Variants in DESI2 observed in about 807,000 individuals in gnomAD.
DESI2 encodes the protein deubiquitinase DESI2.
In DESI2, 10 loss-of-function variants were observed where a neutral mutation model predicts 24.1. The ratio of observed to expected loss-of-function variants is 0.41; its 90% CI spans 0.26 to 0.70. The LOEUF (loss-of-function observed/expected upper bound fraction) is 0.70. Ranked by LOEUF, DESI2 falls within the 30% of genes least tolerant of loss-of-function variation. The pLI is 0.29. For synonymous variants in DESI2, 71 were observed against 87.7 expected (o/e 0.81, Z 1.06); for missense variants, 122 against 234.9 (o/e 0.52, Z 3.14).
chr1:244,701,689 C>T (rs1454610434), intron 4 of DESI2, among the ~76,000 whole-genome samples: 1 of 152,206 alleles, frequency 6.6e-6, no homozygotes, highest in Non-Finnish European at 1.5e-5. Flanking sequence ...ATTTTATTCT[C>T]TGCCTGTTCC....
At chr1:244,695,531 T>C (rs1381870538) in intron 4 of DESI2, among the ~76,000 whole-genome samples, 2 of 152,058 alleles carry the variant, frequency 1.3e-5, no homozygotes, top group Non-Finnish European at 2.9e-5. Context: ...CGGGCACCTG[T>C]AATCCCAGCT....
chr1:244,700,200 G>A (rs1677392855), intron 4 of DESI2, among the ~76,000 whole-genome samples: 1 of 152,114 alleles, frequency 6.6e-6, no homozygotes, highest in African/African-American at 2.4e-5. Context: ...TGTCCTATGA[G>A]TCCTCTAAAA....
rs111628130 is a variant in DESI2, at chr1:244,676,945, G to A, written c.43-9652G>A. On this transcript the variant is annotated intron_variant, in intron 1 of 4. Coordinates refer to ENST00000302550, the MANE Select transcript of DESI2 (RefSeq NM_016076.5). ...TTTTTTTTTTTTTTTTTAAGATTAA[G>A]CCCACCTTCCATTCCAGGGATAAAT... Among the ~76,000 whole-genome samples the A allele has an allele frequency of 3.9e-3, 565 of 143,720 alleles. 2 individuals are homozygous for A. Among genetic ancestry groups the A allele is most frequent in the African/African-American group, 0.014 (534 of 38,996 alleles). The allele number at this position is 143,720 out of a possible 152,430, so 94.3% of individuals were successfully genotyped here. A position where few individuals can be genotyped will look rare whatever the true frequency, so the allele number is the denominator to read the frequency against.
At chr1:244,703,870 G>A (rs535552829) in intron 4 of DESI2, among the ~76,000 whole-genome samples, 2 of 152,024 alleles carry the variant, frequency 1.3e-5, no homozygotes, top group Admixed American at 6.6e-5. Flanking sequence ...GTGTTAGCCA[G>A]GATGGTCTCG....
intron 1 of DESI2, among the ~76,000 whole-genome samples, chr1:244,684,288 G>A (rs1358362676): frequency 6.6e-6 from 1 of 151,900 alleles, no homozygotes; most frequent in East Asian, 1.9e-4. Context: ...ATCAAATTTA[G>A]AAGAACAAAC....
chr1:244,705,572 A>G lies in DESI2; in HGVS notation c.368A>G (p.Glu123Gly), dbSNP rs1677662142. ...CTTCTGTAGATTCTTTGTGGGAAAGAGATTCCTCGCTGGATCAATCGACTT... is the reference window on the plus strand; with the variant it reads ...CTTCTGTAGATTCTTTGTGGGAAAGGGATTCCTCGCTGGATCAATCGACTT... ...SALSEILCGK[E>G]IPRWINRLAY... The change falls in exon 5 of 5, where the codon GAG (glutamate) becomes GGG (glycine). Residue 123 changes from glutamate (E) to glycine (G), a missense_variant. Around this residue, in one of 6 missense-constraint regions of DESI2, gnomAD observed 12 missense variants for 31.8 expected, o/e 0.38. Transcript: ENST00000302550. 1 of 1,614,084 alleles carries G rather than the reference A, an allele frequency of 6.2e-7. No homozygotes were observed. The highest frequency in any genetic ancestry group is 8.5e-7 in the Non-Finnish European group (1 of 1,179,938).
chr1:244,694,591 T>C, intron 4 of DESI2: 1 of 845,448 alleles, frequency 1.2e-6, no homozygotes, highest in Non-Finnish European at 2.1e-6. Flanking sequence ...TTATACTTTC[T>C]CTTGCGCTTG....
intron 4 of DESI2, among the ~76,000 whole-genome samples, chr1:244,699,539 G>T (rs1677355012): frequency 7.8e-6 from 1 of 127,586 alleles, no homozygotes; most frequent in South Asian, 2.6e-4. Flanking sequence ...CCGAGATTGT[G>T]CCACTGCACT....
chr1:244,664,020 G>GA (rs34195856), intron 1 of DESI2, among the ~76,000 whole-genome samples: 33,892 of 89,168 alleles, frequency 0.38, 6,625 homozygotes, highest in Middle Eastern at 0.48. Flanking sequence ...TCCGTCTCAG[G>GA]AAAAAAAAAA....
intron 4 of DESI2, among the ~76,000 whole-genome samples, chr1:244,698,093 A>G (rs1677291616): frequency 6.6e-6 from 1 of 152,240 alleles, no homozygotes. Context: ...TGTATTTTGC[A>G]GTTATTACAT....
At chr1:244,672,555 G>A (rs184992877) in intron 1 of DESI2, among the ~76,000 whole-genome samples, 7 of 152,224 alleles carry the variant, frequency 4.6e-5, no homozygotes, top group South Asian at 4.1e-4. Context: ...TTAGAGAAGC[G>A]TTGAGAAACA....
intron 1 of DESI2, among the ~76,000 whole-genome samples, chr1:244,659,839 A>G (rs1410023427): frequency 3.9e-5 from 6 of 152,230 alleles, no homozygotes; most frequent in East Asian, 3.8e-4. Context: ...TGTAAACCCA[A>G]AAATGTTCAG....
chr1:244,653,491 T>TATCA, intron 1 of DESI2, 136 bp downstream of exon 1: 1 of 748,346 alleles, frequency 1.3e-6, no homozygotes, highest in Non-Finnish European at 2.0e-6. Flanking sequence ...AAGCCGGGGG[T>TATCA]GAAGGAGGGA....
intron 1 of DESI2, 58 bp from the exon 2 acceptor site, chr1:244,686,539 G>A (rs886489196): frequency 2.9e-5 from 31 of 1,067,116 alleles, no homozygotes; most frequent in African/African-American, 1.4e-4. Context: ...CTTCTGTAGC[G>A]CGGAGTTGGG....
intron 1 of DESI2, among the ~76,000 whole-genome samples, chr1:244,681,330 A>G (rs1676605639): frequency 6.6e-6 from 1 of 151,894 alleles, no homozygotes; most frequent in Non-Finnish European, 1.5e-5. Context: ...CTTCCATTCC[A>G]TTTCCTCTTC....
chr1:244,654,419 G>A (rs1675576536), intron 1 of DESI2, among the ~76,000 whole-genome samples: 1 of 152,154 alleles, frequency 6.6e-6, no homozygotes. Context: ...GTATTCCCTT[G>A]TATTATTTAT....
Position 244,653,131 on chromosome 1 carries a change from C to A in DESI2, c.-183C>A, listed in dbSNP as rs994984341. ...CGGTCCGGCCCCGTCCGCACAGACG[C>A]TCCTGTCGGCGGCGCCCGGGAGCGG... On this transcript the variant is annotated 5_prime_UTR_variant, in exon 1 of 5. Transcript: ENST00000302550. The A allele has an allele frequency of 4.2e-6, 2 of 478,904 alleles. No homozygotes were observed. The highest frequency in any genetic ancestry group is 6.8e-6 in the Non-Finnish European group (2 of 293,954). 29.7% of individuals were successfully genotyped at this position (478,904 alleles called of 1,614,324 possible). A position where few individuals can be genotyped will look rare whatever the true frequency, so the allele number is the denominator to read the frequency against.
chr1:244,663,891 G>A (rs981251372), intron 1 of DESI2, among the ~76,000 whole-genome samples: 3 of 151,956 alleles, frequency 2.0e-5, no homozygotes, highest in Non-Finnish European at 2.9e-5. Flanking sequence ...GGTGGCGGGC[G>A]CCTGTAGTCC....
chr1:244,663,327 C>CAG (rs1675914576), intron 1 of DESI2, among the ~76,000 whole-genome samples: 1 of 151,098 alleles, frequency 6.6e-6, no homozygotes, highest in African/African-American at 2.4e-5. Context: ...CAGGCGCCTG[C>CAG]CACCACGCCC....
Sources: allele counts gnomAD v4.1 joint callset (sites outside exome capture counted in the v4.1 genomes callset), GRCh38; gene constraint gnomAD v4.1.1; regional missense constraint gnomAD v4.1.1; transcripts MANE v1.5; gene names NCBI Gene and HGNC (gene_info 2026-07-23, HGNC 2026-07-21).